WWOX: variants seen among roughly 807,000 people sequenced by gnomAD.
The protein encoded by WWOX is WW domain containing oxidoreductase.
WWOX carries 69 observed loss-of-function variants against 46.2 expected under a neutral mutation model. That is an observed-to-expected ratio of 1.49 (90% CI 1.23 to 1.82). The LOEUF is 1.82. WWOX is among the 40% of genes most tolerant of loss of function. The pLI, the probability that WWOX is intolerant of heterozygous loss-of-function variation, is 0.00. For synonymous variants in WWOX, 359 were observed against 202.6 expected (o/e 1.77, Z -6.56); for missense variants, 919 against 542.6 (o/e 1.69, Z -6.89).
chr16:79,039,970 G>A (rs1464936592), intron 8 of WWOX, among the ~76,000 whole-genome samples: 3 of 152,146 alleles, frequency 2.0e-5, no homozygotes, highest in Non-Finnish European at 2.9e-5. Context: ...AAATGCATAC[G>A]ATCATGCTGG....
chr16:78,291,401 A>T (rs1379594418), intron 5 of WWOX, among the ~76,000 whole-genome samples: 1 of 152,156 alleles, frequency 6.6e-6, no homozygotes, highest in African/African-American at 2.4e-5. Flanking sequence ...ATTATATTAA[A>T]ACCTTAATGT....
At chr16:78,850,400 T>G (rs754458614) in intron 8 of WWOX, among the ~76,000 whole-genome samples, 2 of 152,182 alleles carry the variant, frequency 1.3e-5, no homozygotes, top group African/African-American at 4.8e-5. Flanking sequence ...TGTTGTAACA[T>G]AGTGATTATT....
intron 8 of WWOX, among the ~76,000 whole-genome samples, chr16:79,050,625 T>G (rs2048148684): frequency 6.6e-6 from 1 of 152,140 alleles, no homozygotes. Context: ...TGCACTTGTA[T>G]TTGAGTTGCA....
chr16:78,500,478 A>T (rs1260870595), intron 8 of WWOX, among the ~76,000 whole-genome samples: 1 of 148,622 alleles, frequency 6.7e-6, no homozygotes, highest in African/African-American at 2.5e-5. Context: ...AGATCGCTGC[A>T]TGCTGCCGCG....
At chr16:78,413,470 A>T (rs2082727824) in intron 6 of WWOX, among the ~76,000 whole-genome samples, 2 of 152,208 alleles carry the variant, frequency 1.3e-5, no homozygotes, top group Admixed American at 1.3e-4. Flanking sequence ...TGGATCTCAC[A>T]AAGTACATTC....
At chr16:79,075,337 G>A (rs547810545) in intron 8 of WWOX, among the ~76,000 whole-genome samples, 25 of 152,108 alleles carry the variant, frequency 1.6e-4, no homozygotes, top group African/African-American at 6.0e-4. Context: ...ATCACAGGAA[G>A]GGAAAAAAAA....
chr16:78,895,044 T>A (rs762439454), intron 8 of WWOX, among the ~76,000 whole-genome samples: 2 of 152,194 alleles, frequency 1.3e-5, no homozygotes, highest in Non-Finnish European at 2.9e-5. Flanking sequence ...CTATGTCTTA[T>A]CTTGGTAGTA....
chr16:79,040,575 C>G (rs956846613), intron 8 of WWOX, among the ~76,000 whole-genome samples: 9 of 152,256 alleles, frequency 5.9e-5, no homozygotes, highest in African/African-American at 9.6e-5. Flanking sequence ...TGGGCCTGGC[C>G]TGAGTTGATA....
intron 5 of WWOX, among the ~76,000 whole-genome samples, chr16:78,379,051 G>A (rs2081894942): frequency 6.6e-6 from 1 of 152,102 alleles, no homozygotes; most frequent in Admixed American, 6.5e-5. Context: ...CTTGGCCACT[G>A]TCACGTCACT....
At chr16:78,962,316 TTTTTTTTTTTAAA>T (rs2046285677) in intron 8 of WWOX, among the ~76,000 whole-genome samples, 1 of 93,112 alleles carries the variant, frequency 1.1e-5, no homozygotes, top group African/African-American at 4.4e-5. Flanking sequence ...TTTTTTTTTT[TTTTTTTTTTTAAA>T]AAAAAAAAAA....
Position 78,617,074 on chromosome 16 carries a change from G to C in WWOX, c.1056+184322G>C, listed in dbSNP as rs77491107. 3.4e-3 allele frequency among the ~76,000 whole-genome samples: 523 copies of C among 152,236 alleles called. 6 individuals are homozygous for C. Among genetic ancestry groups the C allele is most frequent in the African/African-American group, 0.012 (501 of 41,532 alleles). ...TGCACATGGCCAGAAAAATAGCTTG[G>C]ACATTCTGTTCAACCCTCCACATCA... On this transcript the variant is annotated intron_variant, in intron 8 of 8. Coordinates refer to ENST00000566780, the MANE Select transcript of WWOX (RefSeq NM_016373.4).
intron 8 of WWOX, among the ~76,000 whole-genome samples, chr16:78,634,457 C>T (rs1203701138): frequency 1.3e-5 from 2 of 152,098 alleles, no homozygotes; most frequent in Admixed American, 1.3e-4. Flanking sequence ...CCTGTAATCC[C>T]AGCACTTTGG....
At chr16:78,244,631 A>G (rs566148670) in intron 5 of WWOX, among the ~76,000 whole-genome samples, 3 of 152,326 alleles carry the variant, frequency 2.0e-5, no homozygotes, top group Admixed American at 6.5e-5. Context: ...GTGATCAATC[A>G]GCAGCAAAGT....
chr16:78,971,069 A>G (rs146952015), intron 8 of WWOX, among the ~76,000 whole-genome samples: 13 of 152,120 alleles, frequency 8.5e-5, no homozygotes, highest in African/African-American at 3.1e-4. Flanking sequence ...ATATATATGT[A>G]TACATATGTA....
chr16:78,847,178 C>G (rs1026736769), intron 8 of WWOX, among the ~76,000 whole-genome samples: 3 of 152,176 alleles, frequency 2.0e-5, no homozygotes, highest in Non-Finnish European at 4.4e-5. Flanking sequence ...ATTATAGAAT[C>G]ATATTTAGAA....
chr16:78,223,375 C>T (rs1035167730), intron 5 of WWOX, among the ~76,000 whole-genome samples: 2 of 152,098 alleles, frequency 1.3e-5, no homozygotes, highest in African/African-American at 4.8e-5. Flanking sequence ...GCTGAGAAAC[C>T]CTGCACTTGT....
chr16:78,560,213 G>A (rs74678596), intron 8 of WWOX, among the ~76,000 whole-genome samples: 8,721 of 152,276 alleles, frequency 0.057, 313 homozygotes, highest in Non-Finnish European at 0.081. Context: ...GGTACCTTTT[G>A]TGGAATTGAT....
At chr16:78,870,715 C>T (rs989317201) in intron 8 of WWOX, among the ~76,000 whole-genome samples, 8 of 152,150 alleles carry the variant, frequency 5.3e-5, no homozygotes, top group East Asian at 3.9e-4. Flanking sequence ...AATTCTCCTG[C>T]CTCAGTCTCC....
intron 5 of WWOX, chr16:78,355,704 CTG>C (rs2081271584): frequency 6.7e-6 from 5 of 740,750 alleles, no homozygotes; most frequent in South Asian, 5.3e-5. Context: ...GTGGAAGAAA[CTG>C]TGACTACTAT....
Sources: gnomAD v4.1 joint callset for allele counts (sites outside exome capture counted in the v4.1 genomes callset) on GRCh38, gnomAD v4.1.1 for gene constraint, MANE v1.5 for transcripts, NCBI Gene and HGNC (gene_info 2026-07-23, HGNC 2026-07-21) for gene names.